RINT1: variants seen among roughly 807,000 people sequenced by gnomAD.
RINT1 encodes the protein RAD50-interacting protein 1.
A neutral mutation model predicts 97.7 loss-of-function variants in RINT1; 75 were observed. The observed-to-expected ratio is 0.77, with a 90% CI of 0.64 to 0.93. RINT1 has a LOEUF of 0.93. Ranked by LOEUF, RINT1 falls within the 40% of genes least tolerant of loss-of-function variation. The probability of loss-of-function intolerance (pLI) is 0.00; values close to 1 mark genes in which losing one functional copy is unlikely to be tolerated. For synonymous variants in RINT1, 303 were observed against 326.3 expected, an observed-to-expected ratio of 0.93 and a Z score of 0.77; for missense variants, 892 against 925.2, an observed-to-expected ratio of 0.96 and a Z score of 0.47.
rs151160374 is a variant in RINT1, at chr7:105,542,387, CT to C, written c.274-15del. 102,907 of 1,530,608 alleles carry C rather than the reference CT, an allele frequency of 0.067. 3,627 individuals carry two copies. The highest frequency in any genetic ancestry group is 0.11 in the East Asian group (4,807 of 44,284). The allele number at this position is 1,530,608 out of a possible 1,614,324, so 94.8% of individuals were successfully genotyped here. A position where few individuals can be genotyped will look rare whatever the true frequency, so the allele number is the denominator to read the frequency against. ...GATTGCTGCTGTTCTTTCTTTCTTTCTTTTTTAAAATTATGGTCAGGTACTT... is the reference window on the plus strand; with the variant it reads ...GATTGCTGCTGTTCTTTCTTTCTTTCTTTTTAAAATTATGGTCAGGTACTT... On this transcript the variant is annotated intron_variant, in intron 3 of 14. Coordinates refer to ENST00000257700, the MANE Select transcript of RINT1 (RefSeq NM_021930.6).
rs2133347145 is a variant in RINT1, at chr7:105,532,334, A to T, written c.19A>T (p.Ile7Phe). 1.3e-6 allele frequency: 2 copies of T among 1,598,018 alleles called. No homozygotes were observed. The highest frequency in any genetic ancestry group is 2.7e-5 in the African/African-American group (2 of 74,802). Residue 7 changes from isoleucine to phenylalanine, a missense_variant, in exon 1 of 15, where the codon ATC (isoleucine) becomes TTC (phenylalanine). Physicochemically the swap from Ile to Phe is conservative, Grantham distance 21. Transcript: ENST00000257700. ...AGGCGAGATGCTACCAGCCGGCGAG[A>T]TCGGCGCCTCTCCTGCAGCCCCGGT... is the stretch of plus-strand genomic sequence containing the variant. Reference protein sequence around the residue: MLPAGEIGASPAAPCCS... With the variant: MLPAGEFGASPAAPCCS...
Position 105,542,557 on chromosome 7 carries a change from G to T in RINT1, c.423G>T (p.Trp141Cys), listed in dbSNP as rs1419463174. 6.2e-7 allele frequency: 1 copy of T among 1,614,110 alleles called. No homozygotes were observed. Among genetic ancestry groups the T allele is most frequent in the Admixed American group, 1.7e-5 (1 of 59,988 alleles). ...INSHLLTAQP[W>C]MDDLGTMISQ... ...GCCATTTGCTGACTGCGCAACCTTG[G>T]ATGGACGATCTTGGAACCATGATTA... Residue 141 changes from tryptophan to cysteine, a missense_variant, in exon 4 of 15, where the codon TGG becomes TGT. Trp to Cys is a radical substitution (Grantham distance 215). Transcript: ENST00000257700.
Position 105,565,575 on chromosome 7 carries a change from C to G in RINT1, c.2113C>G (p.Gln705Glu), listed in dbSNP as rs774027650. The change falls in exon 14 of 15, where the codon CAG becomes GAG. Residue 705 changes from glutamine to glutamate, a missense_variant. Physicochemically the swap from Gln to Glu is conservative, Grantham distance 29. Transcript: ENST00000257700. Reference protein sequence around the residue: ...HFNEGGAAQLQFDMTRNLFPL... With the variant: ...HFNEGGAAQLEFDMTRNLFPL... ...CAATGAAGGAGGAGCAGCCCAGCTG[C>G]AGTTTGATATGACTCGGAATCTTTT... The G allele has an allele frequency of 1.2e-6, 2 of 1,613,850 alleles. No individual in the cohort carries two copies. The highest frequency in any genetic ancestry group is 2.7e-5 in the African/African-American group (2 of 74,914).
At chr7:105,556,206 A>G (rs1586252390) in intron 11 of RINT1, among the ~76,000 whole-genome samples, 2 of 151,544 alleles carry the variant, frequency 1.3e-5, no homozygotes, top group East Asian at 3.9e-4. Flanking sequence ...AGCTGGGATT[A>G]CAGGCACCCG....
At chr7:105,548,448 GTATC>G in intron 6 of RINT1, 102 bp from the exon 7 acceptor site, 1 of 934,206 alleles carries the variant, frequency 1.1e-6, no homozygotes, top group Non-Finnish European at 1.7e-6. Flanking sequence ...ACTCTACTGA[GTATC>G]TGATACATTT....
chr7:105,567,638 T>G lies in RINT1; in HGVS notation c.*327T>G. The G allele has an allele frequency of 1.8e-6, 1 of 548,968 alleles. No individual in the cohort carries two copies. The highest frequency in any genetic ancestry group is 3.2e-6 in the Non-Finnish European group (1 of 312,592). 34.0% of individuals were successfully genotyped at this position (548,968 alleles called of 1,614,324 possible). ...GTGCTAATTAAGGGAAATTCTGTTG[T>G]GGATAATCAAACATAGCCAATAAAT... On this transcript the variant is annotated 3_prime_UTR_variant, in exon 15 of 15. Transcript: ENST00000257700.
In RINT1 at chr7:105,542,041, C is replaced by A. The variant is rs571324713; in HGVS notation, c.274-367C>A. Reference sequence around the variant, plus strand: ...ATTAGTACAGGATGAAGAAATCAAACCTTTTTTTGAAGGTTTTGATGGATG... The same window carrying A: ...ATTAGTACAGGATGAAGAAATCAAAACTTTTTTTGAAGGTTTTGATGGATG... On this transcript the variant is annotated intron_variant, in intron 3 of 14. Transcript: ENST00000257700. Among the ~76,000 whole-genome samples, 96 of 152,016 alleles carry A rather than the reference C, an allele frequency of 6.3e-4. 1 individual carries two copies. The highest frequency in any genetic ancestry group is 6.8e-3 in the Middle Eastern group (2 of 294).
intron 9 of RINT1, among the ~76,000 whole-genome samples, chr7:105,551,173 T>TCCACCCC (rs1364221719): frequency 6.6e-5 from 10 of 152,042 alleles, no homozygotes; most frequent in Admixed American, 4.6e-4. Flanking sequence ...GGAGTATAGG[T>TCCACCCC]ATATGCAAGC....
chr7:105,561,397 G>A (rs1203223028), intron 11 of RINT1, among the ~76,000 whole-genome samples: 1 of 151,896 alleles, frequency 6.6e-6, no homozygotes, highest in Non-Finnish European at 1.5e-5. Context: ...GTATGGTGGT[G>A]CTCGCCTGTA....
At chr7:105,547,883 A>G (rs1426639486) in intron 6 of RINT1, among the ~76,000 whole-genome samples, 1 of 151,736 alleles carries the variant, frequency 6.6e-6, no homozygotes, top group Non-Finnish European at 1.5e-5. Flanking sequence ...GTGCACCACT[A>G]TGCCCAGCTA....
intron 9 of RINT1, among the ~76,000 whole-genome samples, chr7:105,550,806 G>C (rs1029372378): frequency 4.1e-4 from 63 of 151,978 alleles, no homozygotes; most frequent in African/African-American, 1.4e-3. Context: ...CCAGGCTAAA[G>C]TGCAGTAGTT....
At chr7:105,533,955 A>G (rs1790128069) in intron 2 of RINT1, among the ~76,000 whole-genome samples, 1 of 152,184 alleles carries the variant, frequency 6.6e-6, no homozygotes, top group South Asian at 2.1e-4. Flanking sequence ...TGCTCTTTAC[A>G]AAAAATAGAA....
intron 3 of RINT1, among the ~76,000 whole-genome samples, chr7:105,537,038 C>A (rs1706905): frequency 0.028 from 4,278 of 151,564 alleles, 199 homozygotes; most frequent in African/African-American, 0.098. Context: ...TTCTAGTGAA[C>A]ATACAGTGAC....
intron 4 of RINT1, among the ~76,000 whole-genome samples, chr7:105,545,406 T>C (rs547509219): frequency 1.3e-4 from 19 of 151,564 alleles, no homozygotes; most frequent in Admixed American, 1.3e-3. Context: ...TGAGCCGTGA[T>C]TGTACCACTG....
At chr7:105,538,003 T>C (rs1164711178) in intron 3 of RINT1, among the ~76,000 whole-genome samples, 2 of 151,772 alleles carry the variant, frequency 1.3e-5, no homozygotes, top group African/African-American at 4.8e-5. Flanking sequence ...ATTTTTTTCT[T>C]TTTTTTTGAG....
At chr7:105,553,426 T>C (rs1461793195) in intron 10 of RINT1, among the ~76,000 whole-genome samples, 1 of 151,050 alleles carries the variant, frequency 6.6e-6, no homozygotes, top group African/African-American at 2.4e-5. Flanking sequence ...AATACAAAAA[T>C]TTACAGGCAG....
intron 4 of RINT1, 86 bp downstream of exon 4, chr7:105,542,735 G>C: frequency 1.5e-6 from 2 of 1,304,512 alleles, no homozygotes; most frequent in Non-Finnish European, 2.0e-6. Flanking sequence ...TTAAATAATT[G>C]AGTTAATTAA....
In RINT1 at chr7:105,551,654, T is replaced by C. The variant is rs1790932332; in HGVS notation, c.1418T>C (p.Met473Thr). The C allele has an allele frequency of 6.2e-7, 1 of 1,612,872 alleles. No homozygotes were observed. The highest frequency in any genetic ancestry group is 8.5e-7 in the Non-Finnish European group (1 of 1,179,322). The change falls in exon 10 of 15, where the codon ATG becomes ACG. Residue 473 changes from methionine (M) to threonine (T), a missense_variant. Transcript: ENST00000257700. Reference protein sequence around the residue: ...QYKDITDVDEMKVPDCAETFM... With the variant: ...QYKDITDVDETKVPDCAETFM... ...AAGGATATCACTGACGTGGATGAAA[T>C]GAAAGTTCCAGATTGTGCAGAAACT...
rs528088307 is a variant in RINT1 at position 105,550,241 on chromosome 7, A to G, written c.1108-20A>G. The G allele has an allele frequency of 6.8e-6, 11 of 1,610,930 alleles. No homozygotes were observed. Among genetic ancestry groups the G allele is most frequent in the Admixed American group, 5.0e-5 (3 of 59,890 alleles). Reference sequence around the variant, plus strand: ...GGATAACTTTTTATTTACATACCTCATGTTTGTGTATTTTTTTAGCTTGAA... The same window carrying G: ...GGATAACTTTTTATTTACATACCTCGTGTTTGTGTATTTTTTTAGCTTGAA... On this transcript the variant is annotated intron_variant, in intron 8 of 14. Coordinates refer to ENST00000257700, the MANE Select transcript of RINT1 (RefSeq NM_021930.6).
Sources: gnomAD v4.1 joint callset for allele counts (sites outside exome capture counted in the v4.1 genomes callset) on GRCh38, gnomAD v4.1.1 for gene constraint, MANE v1.5 for transcripts, NCBI Gene and HGNC (gene_info 2026-07-23, HGNC 2026-07-21) for gene names.